BARX2: variants seen among roughly 807,000 people sequenced by gnomAD.
BARX2 encodes the protein BARX homeobox 2.
BARX2 carries 11 observed loss-of-function variants against 25.5 expected under a neutral mutation model. That is an observed-to-expected ratio of 0.43 (90% CI 0.27 to 0.71). The LOEUF is 0.71. Ranked by LOEUF, BARX2 falls within the 30% of genes least tolerant of loss-of-function variation. The pLI, the probability that BARX2 is intolerant of heterozygous loss-of-function variation, is 0.19. For missense variants in BARX2, 360 were observed against 359.9 expected (o/e 1.00, Z 0.00); for synonymous variants, 137 against 149.5 (o/e 0.92, Z 0.61).
chr11:129,446,414 C>G (rs748582844), intron 3 of BARX2, among the ~76,000 whole-genome samples: 3 of 152,146 alleles, frequency 2.0e-5, no homozygotes, highest in African/African-American at 4.8e-5. Flanking sequence ...TACTTAACCT[C>G]TGTGTGCCTG....
intron 1 of BARX2, among the ~76,000 whole-genome samples, chr11:129,380,327 G>A (rs1309999966): frequency 6.6e-6 from 1 of 152,102 alleles, no homozygotes; most frequent in Non-Finnish European, 1.5e-5. Flanking sequence ...CTTTGGGGTA[G>A]TGTCCTTGGG....
intron 3 of BARX2, among the ~76,000 whole-genome samples, chr11:129,450,730 G>A (rs1489012852): frequency 4.6e-5 from 7 of 152,096 alleles, no homozygotes; most frequent in East Asian, 1.9e-4. Flanking sequence ...GAACTCTCAG[G>A]TTGTCTTGAA....
At chr11:129,382,788 T>TC (rs879786993) in intron 1 of BARX2, among the ~76,000 whole-genome samples, 3 of 152,072 alleles carry the variant, frequency 2.0e-5, no homozygotes, top group African/African-American at 7.2e-5. Context: ...AACCACCTTT[T>TC]CCCCGAGAAC....
chr11:129,383,955 G>C (rs1198281179), intron 1 of BARX2, among the ~76,000 whole-genome samples: 3 of 152,024 alleles, frequency 2.0e-5, no homozygotes, highest in Non-Finnish European at 2.9e-5. Context: ...CTCACTGCAG[G>C]CTCTGCCTCC....
intron 1 of BARX2, among the ~76,000 whole-genome samples, chr11:129,430,438 C>G (rs1358924650): frequency 6.6e-6 from 1 of 152,076 alleles, no homozygotes; most frequent in African/African-American, 2.4e-5. Context: ...GGGTTGAAAG[C>G]AGTGAGGGGA....
chr11:129,437,447 C>G (rs1348932867), intron 2 of BARX2: 1 of 997,902 alleles, frequency 1.0e-6, no homozygotes, highest in African/African-American at 1.7e-5. Context: ...TCTTCTCAAT[C>G]TTCTCCACAG....
intron 1 of BARX2, among the ~76,000 whole-genome samples, chr11:129,392,315 A>G (rs1011934114): frequency 4.6e-5 from 7 of 152,242 alleles, no homozygotes; most frequent in Non-Finnish European, 8.8e-5. Context: ...TGTCGGGCTT[A>G]CCAGCCAGTA....
At chr11:129,438,265 T>A (rs1202016937) in intron 2 of BARX2, 1 of 140,832 alleles carries the variant, frequency 7.1e-6, no homozygotes, top group African/African-American at 2.7e-5. Context: ...GAGGTTGCAG[T>A]GAGCCAAAAT....
intron 1 of BARX2, among the ~76,000 whole-genome samples, chr11:129,384,230 T>C (rs978673595): frequency 2.0e-5 from 3 of 147,742 alleles, no homozygotes; most frequent in African/African-American, 7.5e-5. Flanking sequence ...TCATTTCTGA[T>C]CTTTTTTTTT....
intron 1 of BARX2, among the ~76,000 whole-genome samples, chr11:129,399,558 G>T (rs1312810174): frequency 1.3e-5 from 2 of 152,094 alleles, no homozygotes; most frequent in Non-Finnish European, 2.9e-5. Flanking sequence ...TCTTGGCTTT[G>T]CCCAGAAAAG....
intron 1 of BARX2, among the ~76,000 whole-genome samples, chr11:129,388,501 T>C (rs1336998175): frequency 6.6e-6 from 1 of 152,192 alleles, no homozygotes; most frequent in African/African-American, 2.4e-5. Flanking sequence ...TTCCTACTCA[T>C]TCATTCATTA....
chr11:129,415,284 A>G (rs990957571), intron 1 of BARX2, among the ~76,000 whole-genome samples: 2 of 152,116 alleles, frequency 1.3e-5, no homozygotes, highest in South Asian at 2.1e-4. Flanking sequence ...GGTGTTCTCT[A>G]TGACTTCATT....
intron 1 of BARX2, among the ~76,000 whole-genome samples, chr11:129,429,511 G>GGAGA (rs1201274816): frequency 6.6e-6 from 1 of 151,982 alleles, no homozygotes; most frequent in Non-Finnish European, 1.5e-5. Context: ...GGTGGCAGAG[G>GGAGA]GAGACCCTGT....
intron 1 of BARX2, among the ~76,000 whole-genome samples, chr11:129,380,264 G>T (rs1861548786): frequency 6.6e-6 from 1 of 152,120 alleles, no homozygotes; most frequent in Non-Finnish European, 1.5e-5. Context: ...TTATCTTTTA[G>T]GAGGTGGCAT....
At chr11:129,389,167 C>T (rs1484026002) in intron 1 of BARX2, among the ~76,000 whole-genome samples, 1 of 152,090 alleles carries the variant, frequency 6.6e-6, no homozygotes, top group Non-Finnish European at 1.5e-5. Flanking sequence ...ATATAAAACT[C>T]CTAGTATAGT....
At chr11:129,440,704 C>G (rs1247542819) in intron 2 of BARX2, among the ~76,000 whole-genome samples, 2 of 152,220 alleles carry the variant, frequency 1.3e-5, no homozygotes, top group Admixed American at 1.3e-4. Context: ...TTAAATTATG[C>G]AGCCTGGTCA....
At chr11:129,384,397 T>C (rs1306649451) in intron 1 of BARX2, among the ~76,000 whole-genome samples, 9 of 152,184 alleles carry the variant, frequency 5.9e-5, no homozygotes, top group Admixed American at 1.3e-4. Flanking sequence ...GGGAAGTACC[T>C]GGTACTGGCA....
At chr11:129,414,065 C>CAAAAAA (rs879620964) in intron 1 of BARX2, among the ~76,000 whole-genome samples, 2 of 133,170 alleles carry the variant, frequency 1.5e-5, no homozygotes, top group African/African-American at 5.6e-5. Flanking sequence ...GACTCCATCT[C>CAAAAAA]AAAAAAAAAA....
intron 3 of BARX2, 58 bp from the exon 4 acceptor site, chr11:129,451,078 G>C: frequency 1.3e-6 from 2 of 1,578,102 alleles, no homozygotes; most frequent in Non-Finnish European, 1.7e-6. Context: ...ACTGGGAGTG[G>C]AAAGGTGGAG....
Sources: gnomAD v4.1 joint callset for allele counts (sites outside exome capture counted in the v4.1 genomes callset) on GRCh38, gnomAD v4.1.1 for gene constraint, MANE v1.5 for transcripts, NCBI Gene and HGNC (gene_info 2026-07-23, HGNC 2026-07-21) for gene names.